CRYBG3: variants seen among roughly 807,000 people sequenced by gnomAD.
CRYBG3 encodes the protein crystallin beta-gamma domain containing 3.
CRYBG3 carries 127 observed loss-of-function variants against 244.2 expected under a neutral mutation model. The observed-to-expected ratio is 0.52, with a 90% confidence interval of 0.45 to 0.60. The LOEUF is 0.60. CRYBG3 is among the 20% of genes least tolerant of loss of function. The probability of loss-of-function intolerance (pLI) is 0.00; values close to 1 mark genes in which losing one functional copy is unlikely to be tolerated. For synonymous variants in CRYBG3, 1,132 were observed against 1,195.8 expected, an observed-to-expected ratio of 0.95 and a Z score of 1.10; for missense variants, 3,325 against 3,442.5, an observed-to-expected ratio of 0.97 and a Z score of 0.85.
chr3:97,839,256 A>AT (rs1309497707), intron 1 of CRYBG3, among the ~76,000 whole-genome samples: 19 of 152,136 alleles, frequency 1.2e-4, no homozygotes, highest in African/African-American at 4.6e-4. Context: ...CTTGGTATTT[A>AT]TTTTTTAAGA....
intron 15 of CRYBG3, among the ~76,000 whole-genome samples, chr3:97,910,753 G>T (rs150187206): frequency 9.2e-5 from 14 of 152,276 alleles, no homozygotes; most frequent in African/African-American, 3.4e-4. Context: ...GTTCCTATTC[G>T]GCCATCTTGG....
intron 8 of CRYBG3, among the ~76,000 whole-genome samples, chr3:97,888,113 A>G (rs1209511519): frequency 6.6e-6 from 1 of 152,240 alleles, no homozygotes; most frequent in Non-Finnish European, 1.5e-5. Flanking sequence ...AAAATGTATC[A>G]GACTTATTAT....
At chr3:97,846,782 C>G (rs1199525457) in intron 2 of CRYBG3, among the ~76,000 whole-genome samples, 2 of 152,110 alleles carry the variant, frequency 1.3e-5, no homozygotes, top group Non-Finnish European at 2.9e-5. Context: ...TTTTTGCAGT[C>G]ACTTAGGTAG....
chr3:97,829,347 G>T (rs1481626753), intron 1 of CRYBG3, among the ~76,000 whole-genome samples: 1 of 152,204 alleles, frequency 6.6e-6, no homozygotes, highest in Admixed American at 6.5e-5. Flanking sequence ...ACTGGGTGGA[G>T]TTGACACTTG....
rs145339609 is a variant in CRYBG3, at chr3:97,917,932, C to T, written c.8241+2196C>T. Among the ~76,000 whole-genome samples the T allele has an allele frequency of 8.5e-5, 13 of 152,268 alleles. No individual in the cohort carries two copies. The East Asian group carries it at 2.1e-3, about 25-fold the overall frequency. The stretch of plus-strand genomic sequence containing the variant: ...TAGATACACTACCTATTCTGCTTCT[C>T]TGATTCATTCTGATTCTTTCTGTGA... On this transcript the variant is annotated intron_variant, in intron 17 of 21. Coordinates refer to ENST00000389622, the MANE Select transcript of CRYBG3 (RefSeq NM_153605.4).
intron 2 of CRYBG3, among the ~76,000 whole-genome samples, chr3:97,855,611 G>A (rs1323213848): frequency 6.6e-6 from 1 of 152,104 alleles, no homozygotes; most frequent in Non-Finnish European, 1.5e-5. Flanking sequence ...CGATAGTCAC[G>A]TAGATTCTTT....
At chr3:97,889,573 A>G (rs545802146) in intron 10 of CRYBG3, among the ~76,000 whole-genome samples, 183 bp downstream of exon 10, 1 of 152,264 alleles carries the variant, frequency 6.6e-6, no homozygotes, top group African/African-American at 2.4e-5. Context: ...TATGGCTGTG[A>G]ATGGAGAGTG....
At chr3:97,835,315 C>G (rs769458720) in intron 1 of CRYBG3, among the ~76,000 whole-genome samples, 11 of 151,882 alleles carry the variant, frequency 7.2e-5, no homozygotes, top group Non-Finnish European at 1.6e-4. Context: ...TGGGGAGGGA[C>G]TCACCATAAT....
At position 97,847,093 on chromosome 3, in the gene CRYBG3, C is replaced by T. The variant is rs375661476; in HGVS notation, c.216+3832C>T. ...CACACTTCTAAACAACCAGATCTCA[C>T]GAGAACTCACTCACTATTGCAAGGA... is the stretch of plus-strand genomic sequence containing the variant. On this transcript the variant is annotated intron_variant, in intron 2 of 21. Transcript: ENST00000389622. Among the ~76,000 whole-genome samples, 30 of 152,208 alleles carry T rather than the reference C, an allele frequency of 2.0e-4. No individual in the cohort carries two copies. The South Asian group carries it at 5.2e-3, about 26-fold the overall frequency.
At chr3:97,896,192 C>T (rs2039638510) in intron 12 of CRYBG3, 107 bp downstream of exon 12, 1 of 1,073,000 alleles carries the variant, frequency 9.3e-7, no homozygotes, top group East Asian at 2.5e-5. Context: ...TTTCTAACAC[C>T]CAAGAGTATT....
chr3:97,860,927 T>C (rs531906487), intron 2 of CRYBG3, among the ~76,000 whole-genome samples: 1 of 152,256 alleles, frequency 6.6e-6, no homozygotes, highest in Admixed American at 6.5e-5. Context: ...TCTCAACTTT[T>C]GTATCACAAG....
intron 17 of CRYBG3, among the ~76,000 whole-genome samples, chr3:97,926,444 A>T (rs2040041402): frequency 6.6e-6 from 1 of 152,068 alleles, no homozygotes; most frequent in Admixed American, 6.6e-5. Context: ...GACTTATATG[A>T]CAAGCCCATT....
chr3:97,844,995 G>A (rs2038878720), intron 2 of CRYBG3, among the ~76,000 whole-genome samples: 1 of 152,148 alleles, frequency 6.6e-6, no homozygotes, highest in South Asian at 2.1e-4. Flanking sequence ...GGGGTATCCT[G>A]TGCATTTTGG....
intron 2 of CRYBG3, among the ~76,000 whole-genome samples, chr3:97,863,577 C>A (rs1022567355): frequency 6.6e-6 from 1 of 152,034 alleles, no homozygotes; most frequent in Non-Finnish European, 1.5e-5. Flanking sequence ...CTGTCTTTTC[C>A]TCATCTTCTT....
chr3:97,840,168 G>T (rs1008674112), intron 1 of CRYBG3, among the ~76,000 whole-genome samples: 4 of 152,008 alleles, frequency 2.6e-5, no homozygotes, highest in African/African-American at 9.7e-5. Flanking sequence ...AAAGTGATTT[G>T]TAGGAGTGTA....
At chr3:97,921,925 T>C (rs550708956) in intron 17 of CRYBG3, among the ~76,000 whole-genome samples, 73 of 152,256 alleles carry the variant, frequency 4.8e-4, no homozygotes, top group South Asian at 8.3e-4. Context: ...GCCTTTGAAG[T>C]AATAATCCAG....
intron 15 of CRYBG3, among the ~76,000 whole-genome samples, chr3:97,900,784 T>C (rs972905135): frequency 2.0e-5 from 3 of 152,224 alleles, no homozygotes; most frequent in African/African-American, 7.2e-5. Flanking sequence ...TTCTTCAGTG[T>C]CACATTCTTC....
At chr3:97,851,968 T>C (rs924894118) in intron 2 of CRYBG3, among the ~76,000 whole-genome samples, 5 of 152,292 alleles carry the variant, frequency 3.3e-5, no homozygotes, top group East Asian at 1.9e-4. Flanking sequence ...TCTCTGACTT[T>C]AACAAGTGGG....
chr3:97,876,447 C>A lies in CRYBG3; in HGVS notation c.5253C>A (p.Gly1751=). 3 of 1,231,950 alleles carry A rather than the reference C, an allele frequency of 2.4e-6. No individual in the cohort carries two copies. The highest frequency in any genetic ancestry group is 3.0e-6 in the Non-Finnish European group (3 of 987,920). The allele number at this position is 1,231,950 out of a possible 1,614,324, so 76.3% of individuals were successfully genotyped here. ...TYPKDTERDG[G]KTEVMPLALE... is the part of the protein sequence containing the mutation. The stretch of plus-strand genomic sequence containing the variant: ...CAAAGGATACTGAAAGAGACGGTGG[C>A]AAAACTGAGGTGATGCCCCTTGCAT... Residue 1751 remains glycine, a synonymous_variant, in exon 4 of 22, where the codon GGC becomes GGA. Transcript: ENST00000389622.
Sources: gnomAD v4.1 joint callset for allele counts (sites outside exome capture counted in the v4.1 genomes callset) on GRCh38, gnomAD v4.1.1 for gene constraint, MANE v1.5 for transcripts, NCBI Gene and HGNC (gene_info 2026-07-23, HGNC 2026-07-21) for gene names.